The following TTLL6 variants were observed in gnomAD, a reference collection of about 807,000 sequenced individuals.
TTLL6 encodes tubulin polyglutamylase TTLL6.
In TTLL6, 75 loss-of-function variants were observed where a neutral mutation model predicts 96.4. That is an observed-to-expected ratio of 0.78 (90% CI 0.65 to 0.94). TTLL6 has a LOEUF of 0.94. Among genes scored for constraint, TTLL6 ranks in the 40% least tolerant of loss-of-function variants. TTLL6 has a pLI of 0.00. For missense variants in TTLL6, 1,030 were observed against 1,093.0 expected, an observed-to-expected ratio of 0.94 and a Z score of 0.81; for synonymous variants, 411 against 419.4, an observed-to-expected ratio of 0.98 and a Z score of 0.24.
intron 13 of TTLL6, among the ~76,000 whole-genome samples, chr17:48,784,655 C>A (rs950561375): frequency 2.0e-5 from 3 of 152,254 alleles, no homozygotes; most frequent in African/African-American, 4.8e-5. Flanking sequence ...GTTGCCTCCA[C>A]CAAGTTGGAG....
In TTLL6 at chr17:48,804,808, G is replaced by A; in HGVS notation, c.287C>T (p.Ala96Val). 1.3e-6 allele frequency: 2 copies of A among 1,552,206 alleles called. No individual in the cohort carries two copies. The highest frequency in any genetic ancestry group is 4.9e-5 in the East Asian group (2 of 40,916). The change falls in exon 2 of 16, where the codon GCC (alanine) becomes GTC (valine). Residue 96 changes from alanine (A) to valine (V), a missense_variant. Transcript: ENST00000393382. ...NPGAQNGLQN[A>V]QQQGKKKRKK... is the part of the protein sequence containing the mutation. ...CCTCTTCTTCTTGCCTTGCTGCTGGGCATTCTGAAGTCCGTTTTGTGCCCC... is the reference window on the plus strand; with the variant it reads ...CCTCTTCTTCTTGCCTTGCTGCTGGACATTCTGAAGTCCGTTTTGTGCCCC...
At chr17:48,770,220 T>C (rs2038711816) in intron 13 of TTLL6, 123 bp from the exon 14 acceptor site, 2 of 1,374,860 alleles carry the variant, frequency 1.5e-6, no homozygotes, top group African/African-American at 1.5e-5. Flanking sequence ...TGGCCTCAAA[T>C]TGGGCTCAAG....
At chr17:48,799,050 A>G (rs1185344066) in intron 6 of TTLL6, among the ~76,000 whole-genome samples, 1 of 152,112 alleles carries the variant, frequency 6.6e-6, no homozygotes, top group Non-Finnish European at 1.5e-5. Context: ...GAAACTCCTG[A>G]GCTCAAAGCA....
chr17:48,811,587 C>T (rs974527287), intron 1 of TTLL6, among the ~76,000 whole-genome samples: 7 of 152,104 alleles, frequency 4.6e-5, no homozygotes, highest in African/African-American at 1.7e-4. Context: ...AACTATATGC[C>T]TGACCCTATA....
chr17:48,816,998 C>A lies in TTLL6; in HGVS notation c.75G>T (p.Ala25=). ...GVVASWTSSP[A]GRDGGVGIAG... The stretch of plus-strand genomic sequence containing the variant: ...CAATTCCTACTCCCCCGTCTCGCCC[C>A]GCTGGGCTGCTAGTCCAGCTTGCAA... The change falls in exon 1 of 16, where the codon GCG becomes GCT. Residue 25 remains alanine, a synonymous_variant. Coordinates refer to ENST00000393382, the MANE Select transcript of TTLL6 (RefSeq NM_001130918.3). The A allele has an allele frequency of 6.5e-7, 1 of 1,541,236 alleles. No homozygotes were observed. The highest frequency in any genetic ancestry group is 8.7e-7 in the Non-Finnish European group (1 of 1,144,798).
chr17:48,783,679 C>T (rs1328675395), intron 13 of TTLL6, among the ~76,000 whole-genome samples: 1 of 152,190 alleles, frequency 6.6e-6, no homozygotes, highest in Non-Finnish European at 1.5e-5. Flanking sequence ...GATCCATCTG[C>T]TTCGGCCTCC....
chr17:48,786,424 G>A (rs749842104), intron 11 of TTLL6, 89 bp from the exon 12 acceptor site: 44 of 1,511,428 alleles, frequency 2.9e-5, no homozygotes, highest in East Asian at 4.5e-5. Flanking sequence ...ATGACTGGGC[G>A]AAAAGTTAGC....
At chr17:48,771,354 C>T (rs1445651079) in intron 13 of TTLL6, among the ~76,000 whole-genome samples, 1 of 152,068 alleles carries the variant, frequency 6.6e-6, no homozygotes, top group East Asian at 1.9e-4. Context: ...TTAGGCTGGG[C>T]AAGGTGGTTC....
chr17:48,775,078 G>A (rs1464584002), intron 13 of TTLL6, among the ~76,000 whole-genome samples: 4 of 151,456 alleles, frequency 2.6e-5, no homozygotes, highest in Non-Finnish European at 2.9e-5. Context: ...AGCAAAGATC[G>A]TGCCACTGCA....
rs1048074138 is a variant in TTLL6 at position 48,796,009 on chromosome 17, G to C, written c.998+52C>G. 54 of 1,423,098 alleles carry C rather than the reference G, an allele frequency of 3.8e-5. No individual in the cohort carries two copies. In the African/African-American group the frequency reaches 7.0e-4, roughly 18 times the overall value. 88.2% of individuals were successfully genotyped at this position (1,423,098 alleles called of 1,614,324 possible). On this transcript the variant is annotated intron_variant, in intron 8 of 15. Transcript: ENST00000393382. ...CAGGGTTTGGGTAGAATCCCAGAAA[G>C]CAGTTCTGAGGTTGGTAGGGAAAGG...
chr17:48,779,353 C>CAAAAAAAAAAAAAAA (rs35763170), intron 13 of TTLL6, among the ~76,000 whole-genome samples: 1 of 46,260 alleles, frequency 2.2e-5, no homozygotes, highest in Non-Finnish European at 3.7e-5. Context: ...GACTCTGTCT[C>CAAAAAAAAAAAAAAA]AAAAAAAAAA....
At position 48,797,327 on chromosome 17, in the gene TTLL6, C is replaced by G. The variant is rs994695064; in HGVS notation, c.769-123G>C. On this transcript the variant is annotated intron_variant, in intron 6 of 15. Transcript: ENST00000393382. ...ATTGCCTAGTGTTGTGGAGGGCAGG[C>G]TTGTCCAGGGTCAGAGAGAGGAACA... The G allele has an allele frequency of 2.8e-6, 3 of 1,062,416 alleles. No individual in the cohort carries two copies. The African/African-American group carries it at 4.8e-5, about 17-fold the overall frequency. 65.8% of individuals were successfully genotyped at this position (1,062,416 alleles called of 1,614,324 possible).
In TTLL6 at chr17:48,810,154, A is replaced by G. The variant is rs868237619; in HGVS notation, c.104-5163T>C. On this transcript the variant is annotated intron_variant, in intron 1 of 15. Coordinates refer to ENST00000393382, the MANE Select transcript of TTLL6 (RefSeq NM_001130918.3). Reference sequence around the variant, plus strand: ...AACTCTGTCTCAAAAAAAAAAAAAAAAAAAGGAAAAGAAAAGAAAAAAAAG... The same window carrying G: ...AACTCTGTCTCAAAAAAAAAAAAAAGAAAAGGAAAAGAAAAGAAAAAAAAG... Among the ~76,000 whole-genome samples, 150 of 151,874 alleles carry G rather than the reference A, an allele frequency of 9.9e-4. 1 individual carries two copies. The highest frequency in any genetic ancestry group is 3.5e-3 in the African/African-American group (145 of 41,470).
At chr17:48,803,496 A>C (rs4997829) in intron 3 of TTLL6, among the ~76,000 whole-genome samples, 46,468 of 144,286 alleles carry the variant, frequency 0.32, 7,818 homozygotes, top group East Asian at 0.73. Flanking sequence ...AAAAAAAAAC[A>C]AAAAAAAAAA....
At chr17:48,794,336 A>T in intron 8 of TTLL6, 1 of 1,591,886 alleles carries the variant, frequency 6.3e-7, no homozygotes, top group Non-Finnish European at 8.5e-7. Context: ...AGGAAAAATG[A>T]CAGTAACCAC....
intron 8 of TTLL6, among the ~76,000 whole-genome samples, chr17:48,795,591 T>A (rs2039302376): frequency 6.6e-6 from 1 of 152,178 alleles, no homozygotes; most frequent in South Asian, 2.1e-4. Context: ...TTCTGAGGAA[T>A]CTTCAAGCCG....
chr17:48,816,442 A>G (rs1360593210), intron 1 of TTLL6, among the ~76,000 whole-genome samples: 3 of 152,152 alleles, frequency 2.0e-5, no homozygotes, highest in Non-Finnish European at 4.4e-5. Context: ...TCAAATCCCA[A>G]AGGAGAACTT....
rs1340098866 is a variant in TTLL6 at position 48,785,145 on chromosome 17, T to G, written c.1818A>C (p.Arg606Ser). The change falls in exon 13 of 16, where the codon AGA becomes AGC. Residue 606 changes from arginine (R) to serine (S), a missense_variant. Coordinates refer to ENST00000393382, the MANE Select transcript of TTLL6 (RefSeq NM_001130918.3). ...TGTCTGTTTCATTTTTCCTTTCACC[T>G]CTGACACTCAAGAGCAAGTCAGGTG... ...SYTPDLLLSV[R>S]GERKNETDSS... The G allele has an allele frequency of 6.2e-7, 1 of 1,614,124 alleles. No individual in the cohort carries two copies. Among genetic ancestry groups the G allele is most frequent in the Non-Finnish European group, 8.5e-7 (1 of 1,180,036 alleles).
At chr17:48,787,020 G>A (rs2039113170) in intron 11 of TTLL6, among the ~76,000 whole-genome samples, 3 of 151,914 alleles carry the variant, frequency 2.0e-5, no homozygotes, top group Admixed American at 2.0e-4. Context: ...TAGTAGAGAT[G>A]GGGTTTCACC....
Sources: allele counts gnomAD v4.1 joint callset (sites outside exome capture counted in the v4.1 genomes callset), GRCh38; gene constraint gnomAD v4.1.1; transcripts MANE v1.5; gene names NCBI Gene and HGNC (gene_info 2026-07-23, HGNC 2026-07-21).